PTPRM: variants seen among roughly 807,000 people sequenced by gnomAD.
The protein encoded by PTPRM is receptor-type tyrosine-protein phosphatase mu.
A neutral mutation model predicts 186.7 loss-of-function variants in PTPRM; 47 were observed. The observed-to-expected ratio is 0.25, with a 90% CI of 0.20 to 0.32. PTPRM has a LOEUF of 0.32. Ranked by LOEUF, PTPRM falls within the 10% of genes least tolerant of loss-of-function variation. The probability of loss-of-function intolerance (pLI) is 1.00; values close to 1 mark genes in which losing one functional copy is unlikely to be tolerated. For missense variants in PTPRM, 1,494 were observed against 1,865.0 expected (o/e 0.80, Z 3.66); for synonymous variants, 668 against 674.9 (o/e 0.99, Z 0.16).
intron 21 of PTPRM, among the ~76,000 whole-genome samples, chr18:8,318,676 T>A (rs2148060528): frequency 6.6e-6 from 1 of 152,348 alleles, no homozygotes; most frequent in East Asian, 1.9e-4. Flanking sequence ...TCAGAACTTC[T>A]GCCTCTTTAA....
intron 1 of PTPRM, among the ~76,000 whole-genome samples, chr18:7,708,166 T>C (rs746176248): frequency 2.5e-4 from 38 of 152,210 alleles, no homozygotes; most frequent in Non-Finnish European, 1.9e-4. Flanking sequence ...TTCAAGTATA[T>C]ATATTTTTGG....
intron 20 of PTPRM, among the ~76,000 whole-genome samples, chr18:8,312,334 G>A (rs187957901): frequency 1.7e-3 from 256 of 152,202 alleles, no homozygotes; most frequent in Middle Eastern, 3.4e-3. Context: ...CATATACAGG[G>A]AGCCACTGGT....
chr18:8,081,405 G>C lies in PTPRM; in HGVS notation c.1552-4266G>C, dbSNP rs3794961. On this transcript the variant is annotated intron_variant, in intron 9 of 32. Coordinates refer to ENST00000580170, the MANE Select transcript of PTPRM (RefSeq NM_001105244.2). ...TGCTGCAGCAACGTTTTTTACAGAG[G>C]CTTCATTACAGTTTCCTGGACCTTC... Among the ~76,000 whole-genome samples, 20 of 152,272 alleles carry C rather than the reference G, an allele frequency of 1.3e-4. No individual in the cohort carries two copies. The East Asian group carries it at 2.7e-3, about 21-fold the overall frequency.
At chr18:8,055,481 T>C (rs2087855926) in intron 7 of PTPRM, among the ~76,000 whole-genome samples, 1 of 152,246 alleles carries the variant, frequency 6.6e-6, no homozygotes, top group African/African-American at 2.4e-5. Context: ...ACAGTGTTTT[T>C]ATTTCTAAAA....
At chr18:8,259,477 T>A (rs1485872137) in intron 19 of PTPRM, among the ~76,000 whole-genome samples, 2 of 152,278 alleles carry the variant, frequency 1.3e-5, no homozygotes, top group East Asian at 3.9e-4. Flanking sequence ...TTTAAACATA[T>A]GAGTTGTATA....
chr18:8,375,527 T>A (rs2095689190), intron 24 of PTPRM, among the ~76,000 whole-genome samples: 1 of 152,230 alleles, frequency 6.6e-6, no homozygotes, highest in Non-Finnish European at 1.5e-5. Context: ...CATTCATTCC[T>A]ACTGCAAGCA....
At chr18:7,993,774 A>T (rs1014148653) in intron 7 of PTPRM, among the ~76,000 whole-genome samples, 7 of 152,182 alleles carry the variant, frequency 4.6e-5, no homozygotes, top group Non-Finnish European at 7.4e-5. Flanking sequence ...TCACCGTGAA[A>T]ACACACTAAA....
At chr18:7,939,592 T>G (rs1195423293) in intron 5 of PTPRM, among the ~76,000 whole-genome samples, 4 of 152,228 alleles carry the variant, frequency 2.6e-5, no homozygotes, top group African/African-American at 9.6e-5. Context: ...AGAGCTGTAT[T>G]TAACCCGGTC....
Position 8,258,775 on chromosome 18 carries a change from A to G in PTPRM, c.2754+5361A>G, listed in dbSNP as rs556444441. 7.0e-4 allele frequency among the ~76,000 whole-genome samples: 107 copies of G among 152,278 alleles called. 1 individual carries two copies. Among genetic ancestry groups the G allele is most frequent in the African/African-American group, 2.5e-3 (103 of 41,554 alleles). On this transcript the variant is annotated intron_variant, in intron 19 of 32. Coordinates refer to ENST00000580170, the MANE Select transcript of PTPRM (RefSeq NM_001105244.2). Reference sequence around the variant, plus strand: ...ACAGATGGTACTATTTTATTAGCTAATAGTGTCACTCTGGGGCACAAAAAA... The same window carrying G: ...ACAGATGGTACTATTTTATTAGCTAGTAGTGTCACTCTGGGGCACAAAAAA...
chr18:8,231,768 G>T (rs2094289418), intron 14 of PTPRM, among the ~76,000 whole-genome samples: 1 of 151,962 alleles, frequency 6.6e-6, no homozygotes, highest in South Asian at 2.1e-4. Context: ...AAACAGTATT[G>T]CAATGTTTAA....
chr18:8,284,043 C>G (rs2094930601), intron 19 of PTPRM, among the ~76,000 whole-genome samples: 1 of 152,172 alleles, frequency 6.6e-6, no homozygotes. Context: ...GGCAAAAACT[C>G]AGATTCCCTT....
intron 14 of PTPRM, among the ~76,000 whole-genome samples, chr18:8,242,997 G>A (rs1272675102): frequency 2.6e-5 from 4 of 152,184 alleles, no homozygotes; most frequent in Admixed American, 2.0e-4. Flanking sequence ...TGGTATTATC[G>A]TGCTGTGGGT....
At chr18:8,030,136 C>T (rs565880760) in intron 7 of PTPRM, among the ~76,000 whole-genome samples, 7 of 152,344 alleles carry the variant, frequency 4.6e-5, no homozygotes, top group African/African-American at 9.6e-5. Context: ...GAAGATACTG[C>T]ATATGCTTTG....
intron 19 of PTPRM, among the ~76,000 whole-genome samples, chr18:8,264,906 A>G (rs1269638135): frequency 6.6e-6 from 1 of 152,204 alleles, no homozygotes; most frequent in Non-Finnish European, 1.5e-5. Flanking sequence ...GAATTTAAGT[A>G]ACTCGCCCCA....
At chr18:7,953,105 A>G (rs2053084762) in intron 6 of PTPRM, among the ~76,000 whole-genome samples, 1 of 152,232 alleles carries the variant, frequency 6.6e-6, no homozygotes, top group South Asian at 2.1e-4. Context: ...GTTCTAGTTG[A>G]ATACTTCATT....
intron 14 of PTPRM, among the ~76,000 whole-genome samples, 158 bp downstream of exon 14, chr18:8,143,937 G>T (rs150100612): frequency 0.013 from 1,932 of 152,264 alleles, 143 homozygotes; most frequent in Admixed American, 0.12. Flanking sequence ...GGCATGGAAG[G>T]TTATGGGACA....
chr18:7,856,588 A>G (rs538029858), intron 2 of PTPRM, among the ~76,000 whole-genome samples: 1 of 152,090 alleles, frequency 6.6e-6, no homozygotes, highest in Admixed American at 6.5e-5. Flanking sequence ...AAAAAAAAAA[A>G]AGAAAACTAC....
rs74254646 is a variant in PTPRM at position 8,238,408 on chromosome 18, G to A, written c.2301-5650G>A. 2.1e-4 allele frequency among the ~76,000 whole-genome samples: 32 copies of A among 151,868 alleles called. No homozygotes were observed. The East Asian group carries it at 3.3e-3, about 16-fold the overall frequency. ...AGTCTGCTAATGAACTATCACAGGC[G>A]TTTTCATTCTGTTACAACGTTTTTT... On this transcript the variant is annotated intron_variant, in intron 14 of 32. Coordinates refer to ENST00000580170, the MANE Select transcript of PTPRM (RefSeq NM_001105244.2).
chr18:7,908,579 T>G (rs1599432402), intron 4 of PTPRM, among the ~76,000 whole-genome samples: 1 of 152,344 alleles, frequency 6.6e-6, no homozygotes, highest in South Asian at 2.1e-4. Context: ...ATATCTTTAT[T>G]TGGTGCTTTG....
Sources: allele counts gnomAD v4.1 joint callset (sites outside exome capture counted in the v4.1 genomes callset), GRCh38; gene constraint gnomAD v4.1.1; transcripts MANE v1.5; gene names NCBI Gene and HGNC (gene_info 2026-07-23, HGNC 2026-07-21).